Variants in MAD1L1 observed in about 807,000 individuals in gnomAD.
MAD1L1 encodes the protein mitotic arrest deficient 1 like 1.
A neutral mutation model predicts 96.9 loss-of-function variants in MAD1L1; 95 were observed. The observed-to-expected ratio is 0.98, with a 90% CI of 0.83 to 1.16. MAD1L1 has a LOEUF of 1.16. MAD1L1 is among the 50% of genes most tolerant of loss of function. The probability of loss-of-function intolerance (pLI) is 0.00; values close to 1 mark genes in which losing one functional copy is unlikely to be tolerated. For synonymous variants in MAD1L1, 473 were observed against 396.6 expected (o/e 1.19, Z -2.29); for missense variants, 1,007 against 954.4 (o/e 1.06, Z -0.73).
chr7:1,932,034 C>A (rs1387841418), intron 17 of MAD1L1, among the ~76,000 whole-genome samples: 2 of 152,218 alleles, frequency 1.3e-5, no homozygotes, highest in South Asian at 2.1e-4. Flanking sequence ...TCCATGGCAG[C>A]CCACGCCTGG....
In MAD1L1 at chr7:1,957,618, C is replaced by T. The variant is rs1447342973; in HGVS notation, c.1596+11G>A. On this transcript the variant is annotated intron_variant, in intron 16 of 18. Transcript: ENST00000265854. The stretch of plus-strand genomic sequence containing the variant: ...AGGCAGTGCCTCACCCAGAGGCTGC[C>T]CCGCCCTCACCTGCAGAGCTCGCCG... 6 of 1,613,572 alleles carry T rather than the reference C, an allele frequency of 3.7e-6. No homozygotes were observed. The African/African-American group carries it at 8.0e-5, about 21-fold the overall frequency.
chr7:2,230,238 A>G (rs2115029895), intron 2 of MAD1L1, 95 bp from the exon 3 acceptor site: 1 of 936,550 alleles, frequency 1.1e-6, no homozygotes, highest in South Asian at 1.6e-5. Context: ...CCACTCCCCT[A>G]ACGCACATTG....
At chr7:2,123,109 CT>C in intron 11 of MAD1L1, among the ~76,000 whole-genome samples, 1 of 152,140 alleles carries the variant, frequency 6.6e-6, no homozygotes, top group Admixed American at 6.5e-5. Flanking sequence ...TGAGACCATC[CT>C]GGCTAATGTG....
intron 10 of MAD1L1, among the ~76,000 whole-genome samples, chr7:2,189,012 A>G (rs1382807004): frequency 6.6e-6 from 1 of 152,244 alleles, no homozygotes; most frequent in African/African-American, 2.4e-5. Context: ...AGAACAGGCG[A>G]AGAACCTGCA....
At chr7:1,897,265 C>T (rs761508450) in intron 18 of MAD1L1, among the ~76,000 whole-genome samples, 5 of 150,932 alleles carry the variant, frequency 3.3e-5, no homozygotes, top group Non-Finnish European at 5.9e-5. Flanking sequence ...AGTTGGTTCT[C>T]GGTTCCATAA....
At chr7:2,179,093 A>T (rs1412513615) in intron 10 of MAD1L1, among the ~76,000 whole-genome samples, 1 of 152,206 alleles carries the variant, frequency 6.6e-6, no homozygotes, top group Non-Finnish European at 1.5e-5. Flanking sequence ...CAGATTTTTG[A>T]ACTCTGAAAA....
chr7:2,069,592 G>A (rs1376355624), intron 11 of MAD1L1, among the ~76,000 whole-genome samples: 1 of 152,244 alleles, frequency 6.6e-6, no homozygotes, highest in Non-Finnish European at 1.5e-5. Context: ...ACACACAATG[G>A]GAAAAATTGT....
intron 18 of MAD1L1, among the ~76,000 whole-genome samples, chr7:1,827,887 G>A (rs139688429): frequency 2.0e-5 from 3 of 152,184 alleles, no homozygotes; most frequent in Non-Finnish European, 2.9e-5. Flanking sequence ...GGACGTCAGC[G>A]GCCTCTGCGC....
intron 11 of MAD1L1, among the ~76,000 whole-genome samples, chr7:2,081,024 G>T (rs545015645): frequency 6.6e-6 from 1 of 152,172 alleles, no homozygotes; most frequent in African/African-American, 2.4e-5. Flanking sequence ...CTGGTTCCCC[G>T]TTCCTGAAGG....
At chr7:1,960,196 A>C (rs534648952) in intron 15 of MAD1L1, among the ~76,000 whole-genome samples, 1 of 152,190 alleles carries the variant, frequency 6.6e-6, no homozygotes, top group East Asian at 1.9e-4. Flanking sequence ...ATGCCAAAAA[A>C]GGAAATAAAA....
chr7:2,062,259 A>G (rs1316832100), intron 12 of MAD1L1, among the ~76,000 whole-genome samples: 7 of 24,630 alleles, frequency 2.8e-4, no homozygotes, highest in Non-Finnish European at 6.3e-4. Context: ...AGCAACGACA[A>G]AAAAAAAAAA....
intron 13 of MAD1L1, among the ~76,000 whole-genome samples, chr7:2,003,437 C>T (rs1387562011): frequency 6.6e-6 from 1 of 152,148 alleles, no homozygotes; most frequent in Non-Finnish European, 1.5e-5. Context: ...AACCTGTCCG[C>T]TCTGCAGACC....
Position 1,934,259 on chromosome 7 carries a change from G to A in MAD1L1, c.1807+2428C>T, listed in dbSNP as rs545198235. ...ACTTCTCCATGGTCAGCTCAGACACGCCTCTTCGCACCCCCCACTCCCAAT... is the reference window on the plus strand; with the variant it reads ...ACTTCTCCATGGTCAGCTCAGACACACCTCTTCGCACCCCCCACTCCCAAT... On this transcript the variant is annotated intron_variant, in intron 17 of 18. Coordinates refer to ENST00000265854, the MANE Select transcript of MAD1L1 (RefSeq NM_001013836.2). Among the ~76,000 whole-genome samples the A allele has an allele frequency of 3.9e-5, 6 of 152,278 alleles. 1 individual carries two copies. The East Asian group carries it at 5.8e-4, about 15-fold the overall frequency.
Position 1,816,074 on chromosome 7 carries a change from G to A in MAD1L1, c.2153C>T (p.Ala718Val), listed in dbSNP as rs748891291. 2.1e-5 allele frequency: 34 copies of A among 1,609,376 alleles called. No homozygotes were observed. The Admixed American group carries it at 3.7e-4, about 17-fold the overall frequency. ...CTATGCCCCCGAGCCTGCAGGCTAC[G>A]CCACGGTCTGGCGGCTGAAGAGCTC... ...TLELFSRQTV[A>V] The change falls in exon 19 of 19, where the codon GCG becomes GTG. Residue 718 changes from alanine (A) to valine (V), a missense_variant. Transcript: ENST00000265854.
chr7:1,873,494 C>T (rs1017194329), intron 18 of MAD1L1, among the ~76,000 whole-genome samples: 1 of 151,066 alleles, frequency 6.6e-6, no homozygotes, highest in Admixed American at 6.6e-5. Flanking sequence ...AGTAGGAGCA[C>T]GGCACGGCCG....
intron 18 of MAD1L1, among the ~76,000 whole-genome samples, chr7:1,859,519 A>G (rs778202932): frequency 1.3e-5 from 2 of 152,222 alleles, no homozygotes; most frequent in Admixed American, 6.5e-5. Context: ...GAAGCCCCAC[A>G]AGTGGGATCT....
At chr7:2,232,766 C>G (rs1199755268) in intron 1 of MAD1L1, 106 bp downstream of exon 1, 1 of 152,196 alleles carries the variant, frequency 6.6e-6, no homozygotes, top group African/African-American at 2.4e-5. Flanking sequence ...TCGTTGTGCC[C>G]CACCCTGGCG....
At chr7:1,851,174 T>G (rs1439422186) in intron 18 of MAD1L1, among the ~76,000 whole-genome samples, 1 of 152,058 alleles carries the variant, frequency 6.6e-6, no homozygotes, top group African/African-American at 2.4e-5. Flanking sequence ...CCCTGTGGGG[T>G]GACCCATGCC....
chr7:1,931,932 C>T (rs547322141), intron 17 of MAD1L1, among the ~76,000 whole-genome samples: 8 of 152,212 alleles, frequency 5.3e-5, no homozygotes, highest in South Asian at 2.1e-4. Context: ...TCTTTTTGTG[C>T]GGGGCAGCAA....
Sources: gnomAD v4.1 joint callset for allele counts (sites outside exome capture counted in the v4.1 genomes callset) on GRCh38, gnomAD v4.1.1 for gene constraint, MANE v1.5 for transcripts, NCBI Gene and HGNC (gene_info 2026-07-23, HGNC 2026-07-21) for gene names.